Variants in PIK3C2G observed in about 807,000 individuals in gnomAD.
PIK3C2G encodes phosphatidylinositol-4-phosphate 3-kinase catalytic subunit type 2 gamma, also known as phosphatidylinositol 3-kinase C2 domain-containing subunit gamma.
Under a neutral mutation model 181.1 loss-of-function variants are expected in PIK3C2G, and 168 were observed. The ratio of observed to expected loss-of-function variants is 0.93; its 90% CI spans 0.82 to 1.05. The LOEUF (loss-of-function observed/expected upper bound fraction) is 1.05, where lower values mean the gene tolerates loss of function less well. Ranked by LOEUF, PIK3C2G falls within the 50% of genes least tolerant of loss-of-function variation. The probability of loss-of-function intolerance (pLI) is 0.00; values close to 1 mark genes in which losing one functional copy is unlikely to be tolerated. For missense variants in PIK3C2G, 1,869 were observed against 1,732.8 expected (o/e 1.08, Z -1.40); for synonymous variants, 573 against 592.2 (o/e 0.97, Z 0.47).
chr12:18,633,783 A>G (rs987848965), intron 31 of PIK3C2G, among the ~76,000 whole-genome samples: 3 of 152,170 alleles, frequency 2.0e-5, no homozygotes, highest in African/African-American at 7.2e-5. Context: ...AAGTCTTAAC[A>G]TTCAATTCAA....
At chr12:18,302,721 T>C (rs1950227180) in intron 5 of PIK3C2G, among the ~76,000 whole-genome samples, 1 of 152,092 alleles carries the variant, frequency 6.6e-6, no homozygotes. Flanking sequence ...CCCAAGGACC[T>C]GGGCAGTGTA....
At chr12:18,352,221 A>T (rs961835840) in intron 11 of PIK3C2G, among the ~76,000 whole-genome samples, 2 of 152,198 alleles carry the variant, frequency 1.3e-5, no homozygotes, top group Admixed American at 1.3e-4. Context: ...AATCTATGAC[A>T]ACTCCAGATG....
At chr12:18,578,319 A>T (rs780400566) in intron 29 of PIK3C2G, among the ~76,000 whole-genome samples, 4 of 152,036 alleles carry the variant, frequency 2.6e-5, no homozygotes, top group African/African-American at 4.8e-5. Flanking sequence ...TTTTCCTCCT[A>T]TATTCCAAAG....
intron 29 of PIK3C2G, among the ~76,000 whole-genome samples, chr12:18,571,174 T>C (rs1945918248): frequency 1.3e-5 from 2 of 150,996 alleles, no homozygotes; most frequent in Admixed American, 1.3e-4. Flanking sequence ...GCCATGGATT[T>C]TTAGGAAATA....
intron 16 of PIK3C2G, among the ~76,000 whole-genome samples, chr12:18,413,715 G>T (rs1277265668): frequency 6.6e-6 from 1 of 152,072 alleles, no homozygotes; most frequent in Admixed American, 6.6e-5. Context: ...TAGTTCCAAG[G>T]TTAGCAGAAT....
chr12:18,301,921 A>G (rs1431266628), intron 5 of PIK3C2G, among the ~76,000 whole-genome samples: 1 of 152,182 alleles, frequency 6.6e-6, no homozygotes, highest in Non-Finnish European at 1.5e-5. Context: ...CAACTTCAGC[A>G]TTCTTTCTAG....
intron 13 of PIK3C2G, 28 bp from the exon 14 acceptor site, chr12:18,381,738 C>CTG (rs761371594): frequency 2.4e-4 from 291 of 1,209,682 alleles, no homozygotes; most frequent in African/African-American, 1.6e-3. Context: ...TGACTCCTGT[C>CTG]TGTGTGTGTG....
In PIK3C2G at chr12:18,282,209, T is replaced by G; in HGVS notation, c.128T>G (p.Ile43Arg). Reference protein sequence around the residue: ...SSQVSLGFDQIVDEISGKIPH... With the variant: ...SSQVSLGFDQRVDEISGKIPH... ...CAAGTCAGTCTGGGTTTTGATCAGA[T>G]AGTAGATGAGATCAGTGGCAAAATT... The change falls in exon 2 of 33, where the codon ATA (isoleucine) becomes AGA (arginine). Residue 43 changes from isoleucine to arginine, a missense_variant. Coordinates refer to ENST00000538779, the MANE Select transcript of PIK3C2G (RefSeq NM_001288772.2). 3 of 1,613,484 alleles carry G rather than the reference T, an allele frequency of 1.9e-6. No homozygotes were observed. The highest frequency in any genetic ancestry group is 2.2e-5 in the South Asian group (2 of 91,072).
intron 26 of PIK3C2G, among the ~76,000 whole-genome samples, chr12:18,553,361 C>G (rs1944834875): frequency 6.6e-6 from 1 of 152,074 alleles, no homozygotes; most frequent in Non-Finnish European, 1.5e-5. Flanking sequence ...TGGCATATCA[C>G]TTTATTCATA....
At chr12:18,304,233 C>T (rs1220034083) in intron 5 of PIK3C2G, among the ~76,000 whole-genome samples, 1 of 152,090 alleles carries the variant, frequency 6.6e-6, no homozygotes, top group Non-Finnish European at 1.5e-5. Flanking sequence ...AAAGTTCTAA[C>T]TAATCTCATG....
chr12:18,372,762 T>C (rs73342913), intron 13 of PIK3C2G: 1 of 152,192 alleles, frequency 6.6e-6, no homozygotes, highest in African/African-American at 2.4e-5. Flanking sequence ...TCTTTAAAAC[T>C]AATCTTCAAG....
At chr12:18,642,711 T>C (rs1949903268) in intron 32 of PIK3C2G, among the ~76,000 whole-genome samples, 1 of 152,164 alleles carries the variant, frequency 6.6e-6, no homozygotes, top group South Asian at 2.1e-4. Context: ...TGTCTTATCC[T>C]TTTTAATACT....
intron 1 of PIK3C2G, among the ~76,000 whole-genome samples, chr12:18,250,436 T>C (rs927504724): frequency 6.6e-6 from 1 of 152,118 alleles, no homozygotes; most frequent in Non-Finnish European, 1.5e-5. Flanking sequence ...ATTTTTCTCA[T>C]GTCCTAGTTC....
intron 22 of PIK3C2G, among the ~76,000 whole-genome samples, chr12:18,499,512 T>C (rs1941258996): frequency 6.6e-6 from 1 of 152,218 alleles, no homozygotes; most frequent in Non-Finnish European, 1.5e-5. Context: ...GGTCACTTTG[T>C]ATGTAATGTC....
chr12:18,531,668 A>G (rs1943561685), intron 24 of PIK3C2G, among the ~76,000 whole-genome samples: 1 of 152,170 alleles, frequency 6.6e-6, no homozygotes, highest in African/African-American at 2.4e-5. Flanking sequence ...TTTTCACACA[A>G]AATAATTCTC....
rs377621944 is a variant in PIK3C2G, at chr12:18,421,005, C to T, written c.2380C>T (p.Leu794=). 6.5e-5 allele frequency: 104 copies of T among 1,601,900 alleles called. No homozygotes were observed. Among genetic ancestry groups the T allele is most frequent in the Admixed American group, 1.0e-4 (6 of 59,882 alleles). The part of the protein sequence containing the change: ...QQLDNLLNDE[L]LEYLPQLVQA... Reference sequence around the variant, plus strand: ...ATTAGACAACCTCTTGAATGATGAACTACTGGAATATCTCCCACAGCTAGT... The same window carrying T: ...ATTAGACAACCTCTTGAATGATGAATTACTGGAATATCTCCCACAGCTAGT... Residue 794 remains leucine (L), a synonymous_variant, in exon 17 of 33, where the codon CTA becomes TTA. Transcript: ENST00000538779.
the PIK3C2G span, chr12:18,693,219 T>C: frequency 6.4e-7 from 1 of 1,571,746 alleles, no homozygotes; most frequent in East Asian, 2.2e-5. Flanking sequence ...GGAACCTGGC[T>C]GCTCGGTCAG....
At chr12:18,523,354 C>G (rs1322269251) in intron 24 of PIK3C2G, among the ~76,000 whole-genome samples, 1 of 152,150 alleles carries the variant, frequency 6.6e-6, no homozygotes, top group Non-Finnish European at 1.5e-5. Flanking sequence ...GACATCATCA[C>G]CTCTTCCAGT....
chr12:18,534,513 C>T lies in PIK3C2G; in HGVS notation c.3324-3643C>T, dbSNP rs560423557. On this transcript the variant is annotated intron_variant, in intron 24 of 32. Transcript: ENST00000538779. ...TTACAAATATGTTTGTACTTATGGC[C>T]TTCCCAAATAAATGTCAAATTGTTA... is the stretch of plus-strand genomic sequence containing the variant. Among the ~76,000 whole-genome samples, 13 of 151,992 alleles carry T rather than the reference C, an allele frequency of 8.6e-5. No homozygotes were observed. In the South Asian group the frequency reaches 1.9e-3, roughly 22 times the overall value.
Sources: gnomAD v4.1 joint callset for allele counts (sites outside exome capture counted in the v4.1 genomes callset) on GRCh38, gnomAD v4.1.1 for gene constraint, MANE v1.5 for transcripts, NCBI Gene and HGNC (gene_info 2026-07-23, HGNC 2026-07-21) for gene names.